Variants in SLC7A1 observed in about 807,000 individuals in gnomAD.
SLC7A1 encodes the protein solute carrier family 7 member 1, also known as high affinity cationic amino acid transporter 1.
Under a neutral mutation model 53.9 loss-of-function variants are expected in SLC7A1, and 10 were observed. That is an observed-to-expected ratio of 0.19 (90% CI 0.11 to 0.31). The LOEUF (loss-of-function observed/expected upper bound fraction) is 0.31. Among genes scored for constraint, SLC7A1 ranks in the 10% least tolerant of loss-of-function variants. SLC7A1 has a pLI of 1.00. For synonymous variants in SLC7A1, 342 were observed against 338.7 expected, an observed-to-expected ratio of 1.01 and a Z score of -0.11; for missense variants, 525 against 827.2, an observed-to-expected ratio of 0.63 and a Z score of 4.48.
chr13:29,540,368 G>T (rs1869609628), intron 2 of SLC7A1, among the ~76,000 whole-genome samples: 1 of 152,134 alleles, frequency 6.6e-6, no homozygotes, highest in African/African-American at 2.4e-5. Flanking sequence ...CTTACCTGAG[G>T]GGTATCCTCA....
chr13:29,561,767 C>T (rs915826528), intron 1 of SLC7A1, among the ~76,000 whole-genome samples: 1 of 152,210 alleles, frequency 6.6e-6, no homozygotes, highest in Non-Finnish European at 1.5e-5. Context: ...CTGAGGCTCT[C>T]GAGGTCTGAG....
intron 5 of SLC7A1, among the ~76,000 whole-genome samples, chr13:29,527,778 C>T (rs1868964945): frequency 6.6e-6 from 1 of 152,240 alleles, no homozygotes; most frequent in Non-Finnish European, 1.5e-5. Flanking sequence ...GAACTTCCTG[C>T]AGCAGGGCTC....
intron 1 of SLC7A1, among the ~76,000 whole-genome samples, chr13:29,594,696 CA>C: frequency 6.6e-6 from 1 of 152,218 alleles, no homozygotes; most frequent in Non-Finnish European, 1.5e-5. Context: ...CCGGCCTTTC[CA>C]GGCCACACTG....
intron 3 of SLC7A1, among the ~76,000 whole-genome samples, chr13:29,534,873 T>C (rs1869336822): frequency 6.6e-6 from 1 of 152,266 alleles, no homozygotes; most frequent in African/African-American, 2.4e-5. Context: ...AGGTTTTTGT[T>C]TCTTTTAAGT....
chr13:29,566,476 C>T (rs1269460683), intron 1 of SLC7A1, among the ~76,000 whole-genome samples: 1 of 152,318 alleles, frequency 6.6e-6, no homozygotes, highest in Middle Eastern at 3.4e-3. Context: ...TATGCTGCAA[C>T]ACGGATGAAC....
In SLC7A1 at chr13:29,530,594, G is replaced by A. The variant is rs781380604; in HGVS notation, c.648C>T (p.Asn216=). 1.2e-6 allele frequency: 2 copies of A among 1,614,174 alleles called. No homozygotes were observed. Among genetic ancestry groups the A allele is most frequent in the South Asian group, 2.2e-5 (2 of 91,080 alleles). ...CAAAATCCTCCTCCGTGAGCTGCCAGTTTTTAACCGATCCTTTCACAAATC... is the reference window on the plus strand; with the variant it reads ...CAAAATCCTCCTCCGTGAGCTGCCAATTTTTAACCGATCCTTTCACAAATC... The part of the protein sequence containing the change: ...VSGFVKGSVK[N]WQLTEEDFGN... The change falls in exon 5 of 13, where the codon AAC becomes AAT. Residue 216 remains asparagine (N), a synonymous_variant. Coordinates refer to ENST00000380752, the MANE Select transcript of SLC7A1 (RefSeq NM_003045.5).
At chr13:29,523,533 C>T in intron 6 of SLC7A1, 45 bp from the exon 7 acceptor site, 2 of 1,432,396 alleles carry the variant, frequency 1.4e-6, no homozygotes, top group Non-Finnish European at 2.0e-6. Context: ...CAGCAAGAGG[C>T]AGTGTATCTG....
At chr13:29,588,121 AC>A (rs1236122821) in intron 1 of SLC7A1, among the ~76,000 whole-genome samples, 2 of 152,088 alleles carry the variant, frequency 1.3e-5, no homozygotes, top group African/African-American at 2.4e-5. Context: ...TTTTGAAAGA[AC>A]CCCCACACTG....
Position 29,522,305 on chromosome 13 carries a change from T to G in SLC7A1, c.1189+12A>C. 1 of 1,613,870 alleles carries G rather than the reference T, an allele frequency of 6.2e-7. No individual in the cohort carries two copies. Among genetic ancestry groups the G allele is most frequent in the East Asian group, 2.2e-5 (1 of 44,896 alleles). On this transcript the variant is annotated intron_variant, in intron 8 of 12. Transcript: ENST00000380752. The stretch of plus-strand genomic sequence containing the variant: ...TAAAACATTTCCATGTGAAATGAGT[T>G]CTAGTACTCACCAGCAACGGCACCC...
At chr13:29,535,078 A>T (rs1460954141) in intron 3 of SLC7A1, among the ~76,000 whole-genome samples, 4 of 152,222 alleles carry the variant, frequency 2.6e-5, no homozygotes, top group Non-Finnish European at 4.4e-5. Flanking sequence ...CAGTCAACAA[A>T]GGCCTTAAAA....
At position 29,517,471 on chromosome 13, in the gene SLC7A1, C is replaced by G. The variant is rs1868405104; in HGVS notation, c.1510+102G>C. The stretch of plus-strand genomic sequence containing the variant: ...ACTATGTCCCAGTCCAGGAGCAAGA[C>G]AGATGCTCATCTTCTCTGGCACCTT... On this transcript the variant is annotated intron_variant, in intron 10 of 12. Transcript: ENST00000380752. 4 of 1,229,240 alleles carry G rather than the reference C, an allele frequency of 3.3e-6. No individual in the cohort carries two copies. In the Admixed American group the frequency reaches 7.0e-5, roughly 22 times the overall value. 76.1% of individuals were successfully genotyped at this position (1,229,240 alleles called of 1,614,324 possible).
intron 2 of SLC7A1, among the ~76,000 whole-genome samples, chr13:29,541,565 T>C (rs1331036787): frequency 1.3e-5 from 2 of 152,214 alleles, no homozygotes; most frequent in South Asian, 2.1e-4. Context: ...TTAACAAGTT[T>C]AGTACATAGC....
intron 8 of SLC7A1, 76 bp downstream of exon 8, chr13:29,522,241 T>A (rs2139077480): frequency 2.1e-6 from 3 of 1,453,394 alleles, no homozygotes; most frequent in Non-Finnish European, 2.9e-6. Context: ...AGACCAGAAC[T>A]GCGCAAGACG....
intron 5 of SLC7A1, among the ~76,000 whole-genome samples, chr13:29,529,411 C>T (rs1430611154): frequency 6.6e-6 from 1 of 152,208 alleles, no homozygotes; most frequent in Non-Finnish European, 1.5e-5. Context: ...GCCTCCCTTG[C>T]AGCTCTATGT....
chr13:29,560,152 T>C (rs1870689145), intron 1 of SLC7A1, among the ~76,000 whole-genome samples: 1 of 152,178 alleles, frequency 6.6e-6, no homozygotes, highest in Non-Finnish European at 1.5e-5. Flanking sequence ...TTTTTACTTT[T>C]TCAACTTTTT....
At chr13:29,562,447 G>A (rs773634867) in intron 1 of SLC7A1, among the ~76,000 whole-genome samples, 19 of 152,130 alleles carry the variant, frequency 1.2e-4, no homozygotes, top group Non-Finnish European at 2.2e-4. Context: ...CAAAGGAAAC[G>A]CTCGCTGGAG....
At chr13:29,589,963 A>G (rs1003375957) in intron 1 of SLC7A1, among the ~76,000 whole-genome samples, 5 of 152,150 alleles carry the variant, frequency 3.3e-5, no homozygotes, top group African/African-American at 1.2e-4. Flanking sequence ...GTGAGCACTA[A>G]ATAAGTGCTT....
At chr13:29,549,712 T>G (rs982863349) in intron 2 of SLC7A1, among the ~76,000 whole-genome samples, 1 of 152,244 alleles carries the variant, frequency 6.6e-6, no homozygotes, top group Non-Finnish European at 1.5e-5. Flanking sequence ...TAGCCCAGGC[T>G]GGAGTGCAGG....
At position 29,561,160 on chromosome 13, in the gene SLC7A1, C is replaced by T. The variant is rs542577822; in HGVS notation, c.-114-7300G>A. ...TAATGTTCTATTAATGGGAATGCCT[C>T]TTCAAAAACTAAGAACGGACCAAAC... On this transcript the variant is annotated intron_variant, in intron 1 of 12. Coordinates refer to ENST00000380752, the MANE Select transcript of SLC7A1 (RefSeq NM_003045.5). Among the ~76,000 whole-genome samples, 10 of 152,300 alleles carry T rather than the reference C, an allele frequency of 6.6e-5. No individual in the cohort carries two copies. The South Asian group carries it at 2.1e-3, about 32-fold the overall frequency.
Sources: allele counts gnomAD v4.1 joint callset (sites outside exome capture counted in the v4.1 genomes callset), GRCh38; gene constraint gnomAD v4.1.1; transcripts MANE v1.5; gene names NCBI Gene and HGNC (gene_info 2026-07-23, HGNC 2026-07-21).